CPEB3: variants seen among roughly 807,000 people sequenced by gnomAD.
CPEB3 encodes the protein cytoplasmic polyadenylation element binding protein 3.
In CPEB3, 20 loss-of-function variants were observed where a neutral mutation model predicts 67.2. That is an observed-to-expected ratio of 0.30 (90% CI 0.21 to 0.43). The LOEUF (loss-of-function observed/expected upper bound fraction) is 0.43. Among genes scored for constraint, CPEB3 ranks in the 20% least tolerant of loss-of-function variants. The pLI is 1.00. For missense variants in CPEB3, 746 were observed against 968.6 expected (o/e 0.77, Z 3.05); for synonymous variants, 376 against 393.1 (o/e 0.96, Z 0.51).
chr10:92,116,473 A>G (rs375236499), intron 6 of CPEB3, among the ~76,000 whole-genome samples: 4 of 152,096 alleles, frequency 2.6e-5, no homozygotes, highest in African/African-American at 9.6e-5. Context: ...CAGATGTAGT[A>G]TTATTTTCTG....
chr10:92,244,694 C>T (rs1851988687), intron 1 of CPEB3, among the ~76,000 whole-genome samples: 1 of 152,120 alleles, frequency 6.6e-6, no homozygotes, highest in Non-Finnish European at 1.5e-5. Flanking sequence ...GCCTCTGCCT[C>T]CCAAAGTACT....
chr10:92,265,840 G>A (rs924399808), intron 1 of CPEB3, among the ~76,000 whole-genome samples: 3 of 144,196 alleles, frequency 2.1e-5, no homozygotes, highest in African/African-American at 7.7e-5. Flanking sequence ...GAATGTTTGT[G>A]TCCTCCAAAA....
chr10:92,198,038 G>A (rs146701241), intron 2 of CPEB3, among the ~76,000 whole-genome samples: 8 of 152,232 alleles, frequency 5.3e-5, no homozygotes, highest in Non-Finnish European at 8.8e-5. Context: ...CCCAGGAGGC[G>A]GAGGCTGCAG....
At chr10:92,238,974 C>T (rs1851675509) in intron 2 of CPEB3, among the ~76,000 whole-genome samples, 1 of 152,176 alleles carries the variant, frequency 6.6e-6, no homozygotes, top group African/African-American at 2.4e-5. Context: ...TGTGTAGCTA[C>T]TCAAAATGAT....
At chr10:92,289,794 A>G (rs1842743981) in intron 1 of CPEB3, among the ~76,000 whole-genome samples, 2 of 140,806 alleles carry the variant, frequency 1.4e-5, no homozygotes. Flanking sequence ...TGTATTATAT[A>G]TTATAAATGT....
chr10:92,233,140 G>C (rs1042533603), intron 2 of CPEB3, among the ~76,000 whole-genome samples: 1 of 152,176 alleles, frequency 6.6e-6, no homozygotes, highest in East Asian at 1.9e-4. Flanking sequence ...AAACCAACTA[G>C]AGAAGAGTCT....
chr10:92,274,548 TGTC>T (rs1179751104), intron 1 of CPEB3, among the ~76,000 whole-genome samples: 2 of 152,114 alleles, frequency 1.3e-5, no homozygotes, highest in Non-Finnish European at 2.9e-5. Flanking sequence ...GGATAACAAA[TGTC>T]GTTCTGGGGC....
At chr10:92,189,059 A>G (rs1848834475) in intron 3 of CPEB3, among the ~76,000 whole-genome samples, 1 of 152,194 alleles carries the variant, frequency 6.6e-6, no homozygotes, top group South Asian at 2.1e-4. Context: ...ATAGTTGAAT[A>G]AAGAGATTTT....
intron 9 of CPEB3, among the ~76,000 whole-genome samples, chr10:92,064,519 T>C (rs1227453730): frequency 6.6e-6 from 1 of 152,186 alleles, no homozygotes; most frequent in Non-Finnish European, 1.5e-5. Flanking sequence ...GGCCAAATGC[T>C]ACAAGGGGCC....
intron 1 of CPEB3, among the ~76,000 whole-genome samples, chr10:92,287,979 T>C (rs1380822275): frequency 6.6e-6 from 1 of 152,210 alleles, no homozygotes; most frequent in Non-Finnish European, 1.5e-5. Context: ...AATCATACAA[T>C]ATGTGGTCTT....
intron 1 of CPEB3, among the ~76,000 whole-genome samples, chr10:92,246,601 T>C (rs890367814): frequency 4.6e-5 from 7 of 151,358 alleles, no homozygotes; most frequent in Non-Finnish European, 7.4e-5. Flanking sequence ...CTCCGCCTCC[T>C]GGGTCCAAGC....
chr10:92,184,546 A>G (rs980900944), intron 3 of CPEB3, among the ~76,000 whole-genome samples: 7 of 152,092 alleles, frequency 4.6e-5, no homozygotes, highest in African/African-American at 1.7e-4. Flanking sequence ...TGGAGGTTGC[A>G]GTGAGCCGAG....
At chr10:92,209,977 G>A (rs1048256538) in intron 2 of CPEB3, among the ~76,000 whole-genome samples, 16 of 148,392 alleles carry the variant, frequency 1.1e-4, no homozygotes, top group African/African-American at 3.9e-4. Context: ...GAATTTCAAG[G>A]AACAATTTCA....
chr10:92,169,569 G>T (rs942548414), intron 4 of CPEB3, among the ~76,000 whole-genome samples: 2 of 152,224 alleles, frequency 1.3e-5, no homozygotes, highest in Non-Finnish European at 2.9e-5. Context: ...GGCCCCAAAT[G>T]TTGGGTATCC....
chr10:92,149,925 A>G (rs886327444), intron 4 of CPEB3, among the ~76,000 whole-genome samples: 1 of 152,214 alleles, frequency 6.6e-6, no homozygotes, highest in Non-Finnish European at 1.5e-5. Flanking sequence ...TGAAAGAGAT[A>G]TTTTGTGTGA....
At chr10:92,105,728 T>C (rs1844415489) in intron 7 of CPEB3, among the ~76,000 whole-genome samples, 1 of 146,780 alleles carries the variant, frequency 6.8e-6, no homozygotes, top group African/African-American at 2.5e-5. Flanking sequence ...TTTTTTTTTT[T>C]TTTTTTTCTG....
intron 3 of CPEB3, among the ~76,000 whole-genome samples, chr10:92,189,025 C>A (rs1590340752): frequency 6.6e-6 from 1 of 152,142 alleles, no homozygotes; most frequent in Non-Finnish European, 1.5e-5. Flanking sequence ...CCATGCTAAT[C>A]CTTTTTTCCC....
chr10:92,171,252 T>C (rs1847987429), intron 4 of CPEB3, among the ~76,000 whole-genome samples: 1 of 152,136 alleles, frequency 6.6e-6, no homozygotes, highest in South Asian at 2.1e-4. Context: ...AAAAACACCT[T>C]CCTCTTCTGA....
At chr10:92,159,446 C>A (rs1453100898) in intron 4 of CPEB3, among the ~76,000 whole-genome samples, 1 of 151,050 alleles carries the variant, frequency 6.6e-6, no homozygotes, top group East Asian at 2.0e-4. Context: ...CCAAGGTGGG[C>A]AGATCATCTG....
Sources: allele counts gnomAD v4.1 joint callset (sites outside exome capture counted in the v4.1 genomes callset), GRCh38; gene constraint gnomAD v4.1.1; transcripts MANE v1.5; gene names NCBI Gene and HGNC (gene_info 2026-07-23, HGNC 2026-07-21).